PDGFD: variants seen among roughly 807,000 people sequenced by gnomAD.
The protein encoded by PDGFD is platelet derived growth factor D.
PDGFD carries 30 observed loss-of-function variants against 44.7 expected under a neutral mutation model. The ratio of observed to expected loss-of-function variants is 0.67; its 90% CI spans 0.50 to 0.91. PDGFD has a LOEUF of 0.91. Among genes scored for constraint, PDGFD ranks in the 40% least tolerant of loss-of-function variants. The pLI, the probability that PDGFD is intolerant of heterozygous loss-of-function variation, is 0.00. For synonymous variants in PDGFD, 173 were observed against 168.4 expected (o/e 1.03, Z -0.21); for missense variants, 445 against 457.8 (o/e 0.97, Z 0.25).
At chr11:104,108,649 C>T (rs1478212750) in intron 1 of PDGFD, among the ~76,000 whole-genome samples, 4 of 152,180 alleles carry the variant, frequency 2.6e-5, no homozygotes, top group African/African-American at 9.6e-5. Flanking sequence ...GTGGCGATTC[C>T]TCAAGGATCT....
chr11:103,927,015 C>T lies in PDGFD; in HGVS notation c.884G>A (p.Arg295His), dbSNP rs775926086. 15 of 1,614,162 alleles carry T rather than the reference C, an allele frequency of 9.3e-6. No individual in the cohort carries two copies. The highest frequency in any genetic ancestry group is 2.2e-5 in the East Asian group (1 of 44,878). The change falls in exon 6 of 7, where the codon CGT (arginine) becomes CAT (histidine). Residue 295 changes from arginine to histidine, a missense_variant. Coordinates refer to ENST00000393158, the MANE Select transcript of PDGFD (RefSeq NM_025208.5). ...LKLANVVFFP[R>H]CLLVQRCGGN... ...TCCACAGCGCTGCACGAGGAGGCAA[C>T]GTGGAAAGAAGACCACATTGGCCAA...
chr11:104,085,013 T>C (rs1340593285), intron 1 of PDGFD, among the ~76,000 whole-genome samples: 1 of 150,316 alleles, frequency 6.7e-6, no homozygotes, highest in African/African-American at 2.4e-5. Flanking sequence ...AATGATAATA[T>C]CTTACATAAC....
At chr11:103,932,395 C>T (rs1161034021) in intron 5 of PDGFD, among the ~76,000 whole-genome samples, 1 of 152,122 alleles carries the variant, frequency 6.6e-6, no homozygotes, top group African/African-American at 2.4e-5. Flanking sequence ...GTAGGCTAGG[C>T]TTAGCTACGA....
At chr11:103,914,620 C>CA (rs1158955149) in intron 6 of PDGFD, among the ~76,000 whole-genome samples, 2 of 152,140 alleles carry the variant, frequency 1.3e-5, no homozygotes, top group Non-Finnish European at 2.9e-5. Flanking sequence ...ATCCTGATAC[C>CA]AAAACCTAGC....
intron 3 of PDGFD, among the ~76,000 whole-genome samples, chr11:103,965,192 A>G (rs76835458): frequency 0.011 from 1,695 of 152,240 alleles, 28 homozygotes; most frequent in African/African-American, 0.039. Flanking sequence ...GTGAGAAGCC[A>G]GGGGAAACTT....
intron 1 of PDGFD, among the ~76,000 whole-genome samples, chr11:104,104,539 A>G (rs552732471): frequency 3.9e-5 from 6 of 152,126 alleles, no homozygotes; most frequent in Non-Finnish European, 8.8e-5. Flanking sequence ...AATACATAAC[A>G]TTGTGTTACG....
rs761962807 is a variant in PDGFD, at chr11:103,943,640, T to C, written c.584A>G (p.Tyr195Cys). Residue 195 changes from tyrosine (Y) to cysteine (C), a missense_variant, in exon 5 of 7, where the codon TAT becomes TGT. Tyr to Cys is a radical substitution (Grantham distance 194). Coordinates refer to ENST00000393158, the MANE Select transcript of PDGFD (RefSeq NM_025208.5). Reference sequence around the variant, plus strand: ...GGGATCCGTTACTGATGGAGAGTTATAGGATACCCCCTAAGAGTGACATAC... The same window carrying C: ...GGGATCCGTTACTGATGGAGAGTTACAGGATACCCCCTAAGAGTGACATAC... ...SVTSSISGVS[Y>C]NSPSVTDPTL... is the part of the protein sequence containing the mutation. The C allele has an allele frequency of 3.1e-6, 5 of 1,612,254 alleles. No homozygotes were observed. In the Admixed American group the frequency reaches 5.0e-5, roughly 16 times the overall value.
intron 1 of PDGFD, among the ~76,000 whole-genome samples, chr11:104,096,384 GC>G (rs1180267074): frequency 6.6e-6 from 1 of 152,104 alleles, no homozygotes; most frequent in Non-Finnish European, 1.5e-5. Context: ...ATAATTTAAA[GC>G]CAAGTATTAA....
chr11:103,947,786 G>A, intron 3 of PDGFD, 62 bp from the exon 4 acceptor site: 1 of 1,189,860 alleles, frequency 8.4e-7, no homozygotes, highest in Admixed American at 1.7e-5. Flanking sequence ...TATGTGCACA[G>A]TTTCAACATC....
At position 104,080,632 on chromosome 11, in the gene PDGFD, C is replaced by G. The variant is rs79116238; in HGVS notation, c.125-80377G>C. ...TGGAGGAGCCACCATCCATTGTGTG[C>G]CGCCATCATGATCCTTGCTTACTTC... On this transcript the variant is annotated intron_variant, in intron 1 of 6. Transcript: ENST00000393158. Among the ~76,000 whole-genome samples, 463 of 152,268 alleles carry G rather than the reference C, an allele frequency of 3.0e-3. 2 individuals are homozygous for G. The highest frequency in any genetic ancestry group is 9.9e-3 in the African/African-American group (413 of 41,556).
intron 1 of PDGFD, among the ~76,000 whole-genome samples, chr11:104,147,626 T>A (rs1840668154): frequency 6.6e-6 from 1 of 152,174 alleles, no homozygotes; most frequent in Non-Finnish European, 1.5e-5. Context: ...CATAATATTT[T>A]ATTGTCCTAA....
At chr11:104,060,868 C>CTTT in intron 1 of PDGFD, among the ~76,000 whole-genome samples, 1 of 152,134 alleles carries the variant, frequency 6.6e-6, no homozygotes, top group African/African-American at 2.4e-5. Context: ...ACAAAATTTG[C>CTTT]CATTTTAACC....
At chr11:104,022,557 A>G (rs1859976890) in intron 1 of PDGFD, among the ~76,000 whole-genome samples, 1 of 152,110 alleles carries the variant, frequency 6.6e-6, no homozygotes, top group Non-Finnish European at 1.5e-5. Context: ...CCTGACTGCA[A>G]CCTATAGGGG....
intron 6 of PDGFD, among the ~76,000 whole-genome samples, chr11:103,912,965 G>A (rs562441069): frequency 1.3e-5 from 2 of 152,260 alleles, no homozygotes; most frequent in Admixed American, 1.3e-4. Context: ...CAATACAGGA[G>A]CACCCAGATT....
At chr11:103,950,951 TA>T (rs765190400) in intron 3 of PDGFD, among the ~76,000 whole-genome samples, 1 of 152,194 alleles carries the variant, frequency 6.6e-6, no homozygotes, top group Non-Finnish European at 1.5e-5. Context: ...AATATTTTGC[TA>T]AGATTTTTTT....
At chr11:103,910,672 C>T (rs1370688199) in intron 6 of PDGFD, among the ~76,000 whole-genome samples, 1 of 152,200 alleles carries the variant, frequency 6.6e-6, no homozygotes, top group Non-Finnish European at 1.5e-5. Context: ...AACTGGGCGG[C>T]CATTTGGACA....
intron 1 of PDGFD, among the ~76,000 whole-genome samples, chr11:104,014,841 A>G (rs374371257): frequency 4.6e-5 from 7 of 152,220 alleles, no homozygotes; most frequent in African/African-American, 1.7e-4. Context: ...CATGATCAGC[A>G]GAAAAGAAAT....
At position 104,103,462 on chromosome 11, in the gene PDGFD, G is replaced by GTGTATATATA. The variant is rs1041388346; in HGVS notation, c.124+60341_124+60342insTATATATACA. On this transcript the variant is annotated intron_variant, in intron 1 of 6. Coordinates refer to ENST00000393158, the MANE Select transcript of PDGFD (RefSeq NM_025208.5). ...AACAGACAATTATGTGTGTGTGTGT[G>GTGTATATATA]TATATATATATATATATATATATAT... Among the ~76,000 whole-genome samples the GTGTATATATA allele has an allele frequency of 2.4e-4, 32 of 133,256 alleles. No individual in the cohort carries two copies. The East Asian group carries it at 3.5e-3, about 15-fold the overall frequency. 87.4% of individuals were successfully genotyped at this position (133,256 alleles called of 152,430 possible). A position where few individuals can be genotyped will look rare whatever the true frequency, so the allele number is the denominator to read the frequency against.
intron 1 of PDGFD, among the ~76,000 whole-genome samples, chr11:104,144,543 A>AAACCCAACCAAC (rs1565347760): frequency 2.8e-5 from 4 of 142,650 alleles, no homozygotes; most frequent in Non-Finnish European, 4.5e-5. Context: ...ACAAAACAAA[A>AAACCCAACCAAC]CAAACAAACA....
Sources: gnomAD v4.1 joint callset for allele counts (sites outside exome capture counted in the v4.1 genomes callset) on GRCh38, gnomAD v4.1.1 for gene constraint, MANE v1.5 for transcripts, NCBI Gene and HGNC (gene_info 2026-07-23, HGNC 2026-07-21) for gene names.